JAM3: variants seen among roughly 807,000 people sequenced by gnomAD.
JAM3 encodes the protein junctional adhesion molecule 3, also known as junctional adhesion molecule C.
A neutral mutation model predicts 39.4 loss-of-function variants in JAM3; 31 were observed. The observed-to-expected ratio is 0.79, with a 90% CI of 0.59 to 1.06. JAM3 has a LOEUF of 1.06. JAM3 is among the 50% of genes least tolerant of loss of function. JAM3 has a pLI of 0.00. For missense variants in JAM3, 455 were observed against 391.4 expected (o/e 1.16, Z -1.37); for synonymous variants, 182 against 148.7 (o/e 1.22, Z -1.63).
At chr11:134,130,649 A>C (rs1422792611) in intron 1 of JAM3, among the ~76,000 whole-genome samples, 1 of 152,222 alleles carries the variant, frequency 6.6e-6, no homozygotes, top group Non-Finnish European at 1.5e-5. Context: ...TCTTTAAACC[A>C]GTAGGAAAGA....
chr11:134,095,076 A>C (rs751921922), intron 1 of JAM3, among the ~76,000 whole-genome samples: 31 of 152,330 alleles, frequency 2.0e-4, no homozygotes, highest in Admixed American at 3.9e-4. Flanking sequence ...TGTTAAATTT[A>C]GTTAAATTTC....
At chr11:134,133,231 G>C (rs12361804) in intron 1 of JAM3, among the ~76,000 whole-genome samples, 2 of 152,196 alleles carry the variant, frequency 1.3e-5, no homozygotes, top group Admixed American at 6.5e-5. Context: ...GATCATGCCA[G>C]CTACAAACAG....
chr11:134,098,759 C>T (rs943976877), intron 1 of JAM3, among the ~76,000 whole-genome samples: 4 of 152,090 alleles, frequency 2.6e-5, no homozygotes, highest in Non-Finnish European at 5.9e-5. Flanking sequence ...AGCTAGCTTG[C>T]AGGTGGAGCT....
chr11:134,099,330 T>C (rs2120674486), intron 1 of JAM3, among the ~76,000 whole-genome samples: 1 of 152,292 alleles, frequency 6.6e-6, no homozygotes, highest in Admixed American at 6.5e-5. Context: ...CAGGAACAGA[T>C]TTCAGAGTTG....
rs1204752951 is a variant in JAM3 at position 134,124,078 on chromosome 11, G to C, written c.77-15773G>C. The C allele has an allele frequency of 4.0e-6, 6 of 1,487,200 alleles. No homozygotes were observed. The South Asian group carries it at 4.5e-5, about 11-fold the overall frequency. 92.1% of individuals were successfully genotyped at this position (1,487,200 alleles called of 1,614,324 possible). A position where few individuals can be genotyped will look rare whatever the true frequency, so the allele number is the denominator to read the frequency against. On this transcript the variant is annotated intron_variant, in intron 1 of 8. Coordinates refer to ENST00000299106, the MANE Select transcript of JAM3 (RefSeq NM_032801.5). ...TCTTCACAGAATTTGGTTTATAACA[G>C]GTTTAACCAATCATCTACTATCTGA... is the stretch of plus-strand genomic sequence containing the variant.
At chr11:134,098,474 G>A (rs1358337442) in intron 1 of JAM3, among the ~76,000 whole-genome samples, 1 of 152,162 alleles carries the variant, frequency 6.6e-6, no homozygotes, top group Non-Finnish European at 1.5e-5. Flanking sequence ...AGGACAGCAA[G>A]ACTATTTCTA....
chr11:134,082,826 C>T (rs1211514320), intron 1 of JAM3, among the ~76,000 whole-genome samples: 2 of 152,156 alleles, frequency 1.3e-5, no homozygotes, highest in East Asian at 3.8e-4. Flanking sequence ...TATGCACCAC[C>T]TCAGGTTGAG....
intron 1 of JAM3, among the ~76,000 whole-genome samples, chr11:134,084,482 AAAAT>A (rs1941715828): frequency 9.9e-5 from 15 of 152,260 alleles, no homozygotes; most frequent in Admixed American, 8.5e-4. Context: ...AAAAGTAACA[AAAAT>A]AACACAAATT....
chr11:134,145,284 G>C, intron 5 of JAM3: 1 of 498,656 alleles, frequency 2.0e-6, no homozygotes, highest in Non-Finnish European at 3.6e-6. Flanking sequence ...AAAGTCATTA[G>C]ACAATCGGGG....
At chr11:134,111,038 A>G (rs1394929906) in intron 1 of JAM3, among the ~76,000 whole-genome samples, 2 of 149,130 alleles carry the variant, frequency 1.3e-5, no homozygotes, top group Non-Finnish European at 3.0e-5. Flanking sequence ...ATAAGAATAT[A>G]TGGCTCATAT....
In JAM3 at chr11:134,145,003, T is replaced by G. The variant is rs1943045407; in HGVS notation, c.612+9T>G. ...CTGAAACAGGCACTTTGGTAAGATC[T>G]CTTCTAAGAGGTGAGGATGGAGATG... On this transcript the variant is annotated intron_variant, in intron 5 of 8. Coordinates refer to ENST00000299106, the MANE Select transcript of JAM3 (RefSeq NM_032801.5). The G allele has an allele frequency of 6.2e-7, 1 of 1,602,778 alleles. No homozygotes were observed. Among genetic ancestry groups the G allele is most frequent in the African/African-American group, 1.3e-5 (1 of 74,702 alleles).
At chr11:134,124,866 C>T (rs1942613490) in intron 1 of JAM3, among the ~76,000 whole-genome samples, 1 of 152,244 alleles carries the variant, frequency 6.6e-6, no homozygotes, top group Non-Finnish European at 1.5e-5. Flanking sequence ...CTCAGAATCG[C>T]CGTAAATGTG....
rs372726462 is a variant in JAM3 at position 134,148,686 on chromosome 11, C to A, written c.842+10C>A. 2.5e-6 allele frequency: 4 copies of A among 1,613,898 alleles called. No homozygotes were observed. In the African/African-American group the frequency reaches 4.0e-5, roughly 16 times the overall value. On this transcript the variant is annotated intron_variant, in intron 7 of 8. Coordinates refer to ENST00000299106, the MANE Select transcript of JAM3 (RefSeq NM_032801.5). ...AACAGGATGGAGAAAGGTGAGCCTGCCTTATGTGAAAAAAGGGAAGTTCAA... is the reference window on the plus strand; with the variant it reads ...AACAGGATGGAGAAAGGTGAGCCTGACTTATGTGAAAAAAGGGAAGTTCAA...
rs201522031 is a variant in JAM3 at position 134,148,954 on chromosome 11, TAACA to T, written c.897+137_897+140del. The T allele has an allele frequency of 4.6e-3, 3,474 of 762,094 alleles. 36 individuals carry two copies. In the East Asian group the frequency reaches 0.061, roughly 13 times the overall value. The allele number at this position is 762,094 out of a possible 1,614,324, so 47.2% of individuals were successfully genotyped here. On this transcript the variant is annotated intron_variant, in intron 8 of 8. Coordinates refer to ENST00000299106, the MANE Select transcript of JAM3 (RefSeq NM_032801.5). ...CCTGAGCTCCTCAGCCCCTTCACAG[TAACA>T]CACACACACACACACACACACACAC...
At chr11:134,083,125 T>C (rs965129792) in intron 1 of JAM3, among the ~76,000 whole-genome samples, 1 of 152,200 alleles carries the variant, frequency 6.6e-6, no homozygotes, top group African/African-American at 2.4e-5. Flanking sequence ...AGATTATGCA[T>C]GTAATTTTAG....
intron 1 of JAM3, among the ~76,000 whole-genome samples, chr11:134,072,905 C>T (rs670123): frequency 0.38 from 57,590 of 151,826 alleles, 11,636 homozygotes; most frequent in African/African-American, 0.53. Flanking sequence ...AGTGAAACTC[C>T]GTCTTGGGGG....
intron 1 of JAM3, among the ~76,000 whole-genome samples, chr11:134,095,793 G>T (rs1462447952): frequency 6.6e-6 from 1 of 152,074 alleles, no homozygotes; most frequent in Non-Finnish European, 1.5e-5. Context: ...CGCCATCTTA[G>T]GAAGAAACTG....
intron 1 of JAM3, among the ~76,000 whole-genome samples, chr11:134,131,335 G>C (rs1193118469): frequency 6.6e-6 from 1 of 151,906 alleles, no homozygotes; most frequent in Non-Finnish European, 1.5e-5. Context: ...ACAAGGTTAA[G>C]GAACCTCAGT....
At chr11:134,094,339 C>G (rs1402964602) in intron 1 of JAM3, among the ~76,000 whole-genome samples, 1 of 138,564 alleles carries the variant, frequency 7.2e-6, no homozygotes, top group Non-Finnish European at 1.5e-5. Context: ...TCTTATTCAT[C>G]ATGTTCCATC....
Sources: gnomAD v4.1 joint callset for allele counts (sites outside exome capture counted in the v4.1 genomes callset) on GRCh38, gnomAD v4.1.1 for gene constraint, MANE v1.5 for transcripts, NCBI Gene and HGNC (gene_info 2026-07-23, HGNC 2026-07-21) for gene names.